BIRC6: variants seen among roughly 807,000 people sequenced by gnomAD.
BIRC6 encodes dual E2 ubiquitin-conjugating enzyme/E3 ubiquitin-protein ligase BIRC6.
In BIRC6, 98 loss-of-function variants were observed where a neutral mutation model predicts 503.3. The ratio of observed to expected loss-of-function variants is 0.19; its 90% CI spans 0.17 to 0.23. The LOEUF is 0.23. Among genes scored for constraint, BIRC6 ranks in the 10% least tolerant of loss-of-function variants. BIRC6 has a pLI of 1.00. For synonymous variants in BIRC6, 2,240 were observed against 2,078.7 expected (o/e 1.08, Z -2.11); for missense variants, 5,360 against 5,806.0 (o/e 0.92, Z 2.50).
intron 14 of BIRC6, among the ~76,000 whole-genome samples, 188 bp downstream of exon 14, chr2:32,435,773 G>A (rs755123894): frequency 6.6e-6 from 1 of 152,184 alleles, no homozygotes; most frequent in African/African-American, 2.4e-5. Context: ...CCACAGCTGC[G>A]CTAATGCATT....
At chr2:32,369,792 A>G (rs1300135409) in intron 1 of BIRC6, among the ~76,000 whole-genome samples, 3 of 150,886 alleles carry the variant, frequency 2.0e-5, no homozygotes, top group Admixed American at 6.6e-5. Flanking sequence ...TAGTCTTCAA[A>G]TTTTACTTAA....
chr2:32,609,285 C>CTGTGTGTGTGTGTGTGTGTGTG (rs58379253), intron 72 of BIRC6, among the ~76,000 whole-genome samples: 94 of 147,648 alleles, frequency 6.4e-4, no homozygotes, highest in Middle Eastern at 3.4e-3. Flanking sequence ...AAGTGTGGCT[C>CTGTGTGTGTGTGTGTGTGTGTG]TGTGTGTGTG....
intron 9 of BIRC6, among the ~76,000 whole-genome samples, chr2:32,411,652 G>GT (rs1335817749): frequency 5.3e-5 from 8 of 150,982 alleles, no homozygotes; most frequent in Admixed American, 4.0e-4. Flanking sequence ...TACTTTTTGT[G>GT]TTTTTGGTAG....
intron 9 of BIRC6, among the ~76,000 whole-genome samples, chr2:32,406,894 A>T (rs1391697000): frequency 1.3e-5 from 2 of 152,208 alleles, no homozygotes; most frequent in Non-Finnish European, 2.9e-5. Flanking sequence ...TTATTCATGT[A>T]GGTGAATAAA....
chr2:32,380,066 A>T, intron 2 of BIRC6, 87 bp from the exon 3 acceptor site: 3 of 955,364 alleles, frequency 3.1e-6, no homozygotes, highest in Non-Finnish European at 4.5e-6. Flanking sequence ...TGCATATTAA[A>T]ATATCTGAAA....
At chr2:32,366,122 C>T (rs1275870742) in intron 1 of BIRC6, among the ~76,000 whole-genome samples, 6 of 152,184 alleles carry the variant, frequency 3.9e-5, no homozygotes, top group Non-Finnish European at 8.8e-5. Flanking sequence ...CCACCTGCTT[C>T]GGTCTCCCAA....
In BIRC6 at chr2:32,609,787, T is replaced by A. The variant is rs74261849; in HGVS notation, c.14260-1661T>A. Among the ~76,000 whole-genome samples the A allele has an allele frequency of 3.4e-4, 51 of 151,314 alleles. No homozygotes were observed. The East Asian group carries it at 9.5e-3, about 28-fold the overall frequency. On this transcript the variant is annotated intron_variant, in intron 72 of 73. Transcript: ENST00000421745. The stretch of plus-strand genomic sequence containing the variant: ...AAAAAAGTAATTTGTTTTATGCATA[T>A]CATTTTTTTCAGGAAGGATAAACAC...
intron 9 of BIRC6, among the ~76,000 whole-genome samples, chr2:32,407,945 A>G (rs1248846116): frequency 6.6e-6 from 1 of 151,836 alleles, no homozygotes; most frequent in East Asian, 1.9e-4. Context: ...AGAGGTTACT[A>G]CTACATTTTC....
At chr2:32,391,378 T>G (rs1005618954) in intron 4 of BIRC6, among the ~76,000 whole-genome samples, 3 of 152,310 alleles carry the variant, frequency 2.0e-5, no homozygotes, top group African/African-American at 7.2e-5. Context: ...GCTGTTTTAT[T>G]GGGTAATATA....
intron 73 of BIRC6, among the ~76,000 whole-genome samples, chr2:32,613,523 G>C (rs2063026116): frequency 6.6e-6 from 1 of 152,054 alleles, no homozygotes. Flanking sequence ...TGGGATTACA[G>C]TCACCTGCCA....
chr2:32,380,152 G>T lies in BIRC6; in HGVS notation c.508-1G>T. 2 of 1,492,342 alleles carry T rather than the reference G, an allele frequency of 1.3e-6. No homozygotes were observed. The highest frequency in any genetic ancestry group is 2.5e-5 in the East Asian group (1 of 40,538). The allele number at this position is 1,492,342 out of a possible 1,614,324, so 92.4% of individuals were successfully genotyped here. On this transcript the variant is annotated splice_acceptor_variant, in intron 2 of 73. Transcript: ENST00000421745. LOFTEE classifies it high-confidence loss of function. ...TTTTTTATTTTTTATTTTTTATTTA[G>T]GCACAGCAGCTCTTATCAGCATGTT...
chr2:32,541,463 G>A (rs1239603001), intron 61 of BIRC6, among the ~76,000 whole-genome samples: 5 of 151,952 alleles, frequency 3.3e-5, no homozygotes, highest in Non-Finnish European at 2.9e-5. Context: ...ACATATATAT[G>A]TAAAAGAAGG....
intron 71 of BIRC6, among the ~76,000 whole-genome samples, chr2:32,605,696 A>G (rs2062402363): frequency 6.6e-6 from 1 of 151,998 alleles, no homozygotes; most frequent in Admixed American, 6.6e-5. Context: ...CATCTCTACT[A>G]AAAATACAAA....
At chr2:32,561,737 ATATTTATT>A (rs566569006) in intron 65 of BIRC6, among the ~76,000 whole-genome samples, 1 of 140,760 alleles carries the variant, frequency 7.1e-6, no homozygotes, top group African/African-American at 2.6e-5. Context: ...ATATATATAT[ATATTTATT>A]TATTTATTTC....
intron 65 of BIRC6, among the ~76,000 whole-genome samples, chr2:32,555,777 C>T (rs1470967706): frequency 6.6e-6 from 1 of 151,934 alleles, no homozygotes; most frequent in Non-Finnish European, 1.5e-5. Context: ...TAGACCCTGT[C>T]TCTACAAAAG....
Position 32,395,611 on chromosome 2 carries a change from TG to T in BIRC6, c.1034+21del. The T allele has an allele frequency of 6.3e-7, 1 of 1,577,586 alleles. No individual in the cohort carries two copies. On this transcript the variant is annotated intron_variant, in intron 6 of 73. Coordinates refer to ENST00000421745, the MANE Select transcript of BIRC6 (RefSeq NM_016252.4). ...GAACCTTGGTGAGTCTTGATGTTTC[TG>T]GGCATAATAGGCTAAGTCAGTCGTG...
In BIRC6 at chr2:32,415,616, A is replaced by C. The variant is rs749210679; in HGVS notation, c.2325A>C (p.Ala775=). 2.5e-6 allele frequency: 4 copies of C among 1,613,980 alleles called. No homozygotes were observed. The South Asian group carries it at 4.4e-5, about 18-fold the overall frequency. ...ATAATTTAAATAAATTAAACTCTGC[A>C]CTATGTAATAGACGGAAAGGTGAGC... The part of the protein sequence containing the change: ...ALNNLNKLNS[A]LCNRRKGELE... The change falls in exon 10 of 74, where the codon GCA becomes GCC. Residue 775 remains alanine, a synonymous_variant. Coordinates refer to ENST00000421745, the MANE Select transcript of BIRC6 (RefSeq NM_016252.4).
At chr2:32,550,307 C>T (rs1485771060) in intron 65 of BIRC6, among the ~76,000 whole-genome samples, 1 of 152,174 alleles carries the variant, frequency 6.6e-6, no homozygotes, top group African/African-American at 2.4e-5. Context: ...CTAAGTGACA[C>T]AGTTGGATGT....
At chr2:32,377,008 A>C (rs2036887796) in intron 1 of BIRC6, among the ~76,000 whole-genome samples, 1 of 152,204 alleles carries the variant, frequency 6.6e-6, no homozygotes, top group African/African-American at 2.4e-5. Context: ...ATAACTGTCC[A>C]TGCTGTCTTT....
Sources: allele counts gnomAD v4.1 joint callset (sites outside exome capture counted in the v4.1 genomes callset), GRCh38; gene constraint gnomAD v4.1.1; transcripts MANE v1.5; gene names NCBI Gene and HGNC (gene_info 2026-07-23, HGNC 2026-07-21).